Variants in IQSEC1 observed in about 807,000 individuals in gnomAD.
IQSEC1 encodes IQ motif and Sec7 domain ArfGEF 1.
Under a neutral mutation model 91.0 loss-of-function variants are expected in IQSEC1, and 31 were observed. The ratio of observed to expected loss-of-function variants is 0.34; its 90% CI spans 0.26 to 0.46. The LOEUF (loss-of-function observed/expected upper bound fraction) is 0.46, where lower values mean the gene tolerates loss of function less well. Among genes scored for constraint, IQSEC1 ranks in the 20% least tolerant of loss-of-function variants. The pLI, the probability that IQSEC1 is intolerant of heterozygous loss-of-function variation, is 1.00. For synonymous variants in IQSEC1, 699 were observed against 662.6 expected, an observed-to-expected ratio of 1.05 and a Z score of -0.84; for missense variants, 1,388 against 1,575.6, an observed-to-expected ratio of 0.88 and a Z score of 2.02.
intron 12 of IQSEC1, among the ~76,000 whole-genome samples, chr3:12,906,406 G>A (rs999001202): frequency 6.6e-6 from 1 of 152,168 alleles, no homozygotes; most frequent in South Asian, 2.1e-4. Context: ...CAGGAAGGCT[G>A]CCAGCACCTG....
chr3:13,189,598 A>G (rs935750768), intron 1 of IQSEC1, among the ~76,000 whole-genome samples: 18 of 152,224 alleles, frequency 1.2e-4, no homozygotes, highest in Admixed American at 2.0e-4. Context: ...ACAGCAGAAC[A>G]TAAGTCTCAG....
At chr3:13,080,518 C>A in intron 2 of IQSEC1, among the ~76,000 whole-genome samples, 1 of 152,136 alleles carries the variant, frequency 6.6e-6, no homozygotes, top group East Asian at 1.9e-4. Context: ...AGGCTTTGAG[C>A]GTCTGGCTGG....
chr3:13,130,341 CAAAAA>C (rs58162524), intron 2 of IQSEC1, among the ~76,000 whole-genome samples: 1 of 61,878 alleles, frequency 1.6e-5, no homozygotes, highest in African/African-American at 4.2e-5. Context: ...GAGACTCTGT[CAAAAA>C]AAAAAAAAAA....
intron 1 of IQSEC1, among the ~76,000 whole-genome samples, chr3:13,258,853 C>T (rs1407323395): frequency 6.6e-6 from 1 of 152,134 alleles, no homozygotes; most frequent in Non-Finnish European, 1.5e-5. Context: ...GCACCAGTAA[C>T]CTCCAGGAAC....
chr3:13,012,032 G>A (rs755765737), intron 1 of IQSEC1, among the ~76,000 whole-genome samples: 3 of 152,202 alleles, frequency 2.0e-5, no homozygotes, highest in Non-Finnish European at 2.9e-5. Flanking sequence ...CACCACCAGA[G>A]GCTGCGGAGT....
intron 1 of IQSEC1, among the ~76,000 whole-genome samples, chr3:13,232,073 C>T (rs967389264): frequency 1.3e-5 from 2 of 152,226 alleles, no homozygotes; most frequent in Non-Finnish European, 2.9e-5. Flanking sequence ...TTTCCTTTGC[C>T]TTCTACTTTA....
At chr3:13,222,383 T>C (rs1337368007) in intron 1 of IQSEC1, among the ~76,000 whole-genome samples, 3 of 152,220 alleles carry the variant, frequency 2.0e-5, no homozygotes, top group Non-Finnish European at 4.4e-5. Context: ...GGACACTTTC[T>C]TTGCTTCCAC....
intron 1 of IQSEC1, among the ~76,000 whole-genome samples, chr3:13,070,709 C>G (rs458898): frequency 0.77 from 116,995 of 152,182 alleles, 45,099 homozygotes; most frequent in South Asian, 0.89. Context: ...GGTGGCAGAG[C>G]GGGGATGGCC....
chr3:13,123,083 G>A (rs1006005806), intron 2 of IQSEC1, among the ~76,000 whole-genome samples: 1 of 152,142 alleles, frequency 6.6e-6, no homozygotes, highest in Non-Finnish European at 1.5e-5. Context: ...TAATTTCCCC[G>A]AGGAAGACAA....
At chr3:13,269,778 C>G (rs1576317570) in intron 1 of IQSEC1, among the ~76,000 whole-genome samples, 1 of 152,266 alleles carries the variant, frequency 6.6e-6, no homozygotes, top group African/African-American at 2.4e-5. Flanking sequence ...AGAGCCCAGT[C>G]TGAGCAAACC....
chr3:13,134,380 T>A (rs1706673339), intron 2 of IQSEC1, among the ~76,000 whole-genome samples: 1 of 152,118 alleles, frequency 6.6e-6, no homozygotes, highest in African/African-American at 2.4e-5. Context: ...GAAAGGAGCA[T>A]GGGGTGGTAA....
In IQSEC1 at chr3:12,967,562, G is replaced by C; in HGVS notation, c.24-25697C>G. On this transcript the variant is annotated intron_variant, in intron 1 of 13. Coordinates refer to ENST00000613206, the MANE Select transcript of IQSEC1 (RefSeq NM_001134382.3). The surrounding 1 kb of genome is among the most constrained non-coding windows in gnomAD (Gnocchi z 5.9). ...TCCCGGGGCCGACACCCGGCCACCCGGAGACCCGACCACCCGCCACGCGAT... is the reference window on the plus strand; with the variant it reads ...TCCCGGGGCCGACACCCGGCCACCCCGAGACCCGACCACCCGCCACGCGAT... The C allele has an allele frequency of 7.4e-7, 1 of 1,344,202 alleles. No homozygotes were observed. Among genetic ancestry groups the C allele is most frequent in the Non-Finnish European group, 9.5e-7 (1 of 1,056,120 alleles). The allele number at this position is 1,344,202 out of a possible 1,614,324, so 83.3% of individuals were successfully genotyped here. A position where few individuals can be genotyped will look rare whatever the true frequency, so the allele number is the denominator to read the frequency against.
intron 1 of IQSEC1, among the ~76,000 whole-genome samples, chr3:13,171,950 G>T (rs1211884140): frequency 6.6e-6 from 1 of 152,072 alleles, no homozygotes; most frequent in South Asian, 2.1e-4. Flanking sequence ...AGGGGCAACC[G>T]GCACCTGGAC....
intron 3 of IQSEC1, among the ~76,000 whole-genome samples, chr3:12,926,295 G>A (rs1697122739): frequency 7.0e-6 from 1 of 142,110 alleles, no homozygotes; most frequent in African/African-American, 2.7e-5. Context: ...GGGCGACAGA[G>A]CAAGACTCCA....
At chr3:13,064,893 C>T (rs1705184187) in intron 1 of IQSEC1, among the ~76,000 whole-genome samples, 1 of 152,220 alleles carries the variant, frequency 6.6e-6, no homozygotes, top group South Asian at 2.1e-4. Flanking sequence ...CTGGGGCCCA[C>T]TGTCAAAGAG....
chr3:13,022,364 C>G (rs962991133), intron 1 of IQSEC1: 1 of 1,167,768 alleles, frequency 8.6e-7, no homozygotes, highest in Non-Finnish European at 1.1e-6. Context: ...GCTCCAGACC[C>G]TCCTGGCCAA....
intron 1 of IQSEC1, among the ~76,000 whole-genome samples, chr3:13,257,394 A>G (rs1695309210): frequency 6.6e-6 from 1 of 152,174 alleles, no homozygotes; most frequent in African/African-American, 2.4e-5. Context: ...ACTGAACCCC[A>G]CGCTGTGGGT....
At chr3:12,980,694 T>C (rs1398093420) in intron 1 of IQSEC1, among the ~76,000 whole-genome samples, 1 of 152,194 alleles carries the variant, frequency 6.6e-6, no homozygotes, top group African/African-American at 2.4e-5. Context: ...GGACCTTGCC[T>C]GTGTTCCTCA....
intron 2 of IQSEC1, among the ~76,000 whole-genome samples, chr3:13,080,707 G>A (rs1238872180): frequency 2.6e-5 from 4 of 152,172 alleles, no homozygotes; most frequent in African/African-American, 9.7e-5. Flanking sequence ...ACTTCCCTGG[G>A]CAAGTGCGCT....
Sources: allele counts gnomAD v4.1 joint callset (sites outside exome capture counted in the v4.1 genomes callset), GRCh38; gene constraint gnomAD v4.1.1; non-coding constraint Gnocchi (gnomAD v3.1); transcripts MANE v1.5; gene names NCBI Gene and HGNC (gene_info 2026-07-23, HGNC 2026-07-21).